Variants in SGCZ observed in about 807,000 individuals in gnomAD.
SGCZ encodes the protein sarcoglycan zeta.
Under a neutral mutation model 41.3 loss-of-function variants are expected in SGCZ, and 40 were observed. The ratio of observed to expected loss-of-function variants is 0.97; its 90% CI spans 0.75 to 1.26. SGCZ has a LOEUF of 1.26. Among genes scored for constraint, SGCZ ranks in the 50% most tolerant of loss-of-function variants. The pLI is 0.00. For synonymous variants in SGCZ, 206 were observed against 137.5 expected (o/e 1.50, Z -3.49); for missense variants, 552 against 369.8 (o/e 1.49, Z -4.04).
At chr8:14,698,785 T>A (rs1055351226) in intron 1 of SGCZ, among the ~76,000 whole-genome samples, 2 of 151,900 alleles carry the variant, frequency 1.3e-5, no homozygotes, top group Non-Finnish European at 2.9e-5. Flanking sequence ...GATCTTGTAT[T>A]TGAAGAAAAT....
intron 1 of SGCZ, among the ~76,000 whole-genome samples, chr8:14,921,356 G>C (rs1352734281): frequency 6.6e-6 from 1 of 152,110 alleles, no homozygotes; most frequent in African/African-American, 2.4e-5. Context: ...TCAAATATCA[G>C]TTCCTCACAA....
chr8:14,785,525 G>T (rs1800741683), intron 1 of SGCZ, among the ~76,000 whole-genome samples: 1 of 152,122 alleles, frequency 6.6e-6, no homozygotes, highest in Non-Finnish European at 1.5e-5. Flanking sequence ...AGTTGCTCTT[G>T]AAACTTCCCT....
chr8:14,399,203 G>A (rs907963903), intron 2 of SGCZ, among the ~76,000 whole-genome samples: 1 of 152,084 alleles, frequency 6.6e-6, no homozygotes, highest in Non-Finnish European at 1.5e-5. Context: ...TTCCTGTTAA[G>A]TGTCAGGGTT....
intron 3 of SGCZ, among the ~76,000 whole-genome samples, chr8:14,239,750 A>C (rs1005617213): frequency 4.6e-5 from 7 of 150,742 alleles, no homozygotes; most frequent in Non-Finnish European, 8.9e-5. Flanking sequence ...AAAATACAAA[A>C]AATTAGCCGG....
chr8:14,921,691 A>G (rs757931852), intron 1 of SGCZ, among the ~76,000 whole-genome samples: 21 of 152,164 alleles, frequency 1.4e-4, no homozygotes, highest in Non-Finnish European at 2.9e-4. Flanking sequence ...CATTTTACAG[A>G]TGTAAAGTTA....
At chr8:14,932,856 G>C (rs983618048) in intron 1 of SGCZ, among the ~76,000 whole-genome samples, 1 of 152,036 alleles carries the variant, frequency 6.6e-6, no homozygotes, top group Admixed American at 6.5e-5. Flanking sequence ...AAGTCCAAAA[G>C]TGTGATGTGA....
chr8:15,054,680 C>A (rs1037539096), intron 1 of SGCZ, among the ~76,000 whole-genome samples: 1 of 151,926 alleles, frequency 6.6e-6, no homozygotes, highest in Non-Finnish European at 1.5e-5. Flanking sequence ...TGTAGCCGGG[C>A]GCAGTGGCTC....
intron 1 of SGCZ, among the ~76,000 whole-genome samples, chr8:15,236,440 G>T (rs184505449): frequency 2.4e-3 from 353 of 146,144 alleles, no homozygotes; most frequent in African/African-American, 8.9e-3. Flanking sequence ...TCCAGCGGGT[G>T]GGGGGGTGCC....
At chr8:14,856,101 A>G (rs982673337) in intron 1 of SGCZ, among the ~76,000 whole-genome samples, 6 of 152,226 alleles carry the variant, frequency 3.9e-5, no homozygotes, top group African/African-American at 1.4e-4. Flanking sequence ...TATAATATTT[A>G]GGTCGAGGAT....
intron 1 of SGCZ, among the ~76,000 whole-genome samples, chr8:14,976,083 C>T (rs1203658034): frequency 1.3e-5 from 2 of 150,392 alleles, no homozygotes; most frequent in African/African-American, 2.4e-5. Flanking sequence ...AGTGCAGTGG[C>T]ACGATCTTCA....
chr8:14,525,177 TAGA>T lies in SGCZ; in HGVS notation c.234+29552_234+29554del, dbSNP rs769772153. Among the ~76,000 whole-genome samples the T allele has an allele frequency of 4.2e-3, 610 of 143,532 alleles. 3 individuals are homozygous for T. Among genetic ancestry groups the T allele is most frequent in the Admixed American group, 0.013 (188 of 13,994 alleles). 94.2% of individuals were successfully genotyped at this position (143,532 alleles called of 152,430 possible). On this transcript the variant is annotated intron_variant, in intron 2 of 7. Coordinates refer to ENST00000382080, the MANE Select transcript of SGCZ (RefSeq NM_139167.4). ...ATAGATAGATAGATAGATAGATAGA[TAGA>T]TAGATAGATAGATAGACAGACAGAC...
chr8:14,948,451 C>A (rs1800525147), intron 1 of SGCZ, among the ~76,000 whole-genome samples: 2 of 151,032 alleles, frequency 1.3e-5, no homozygotes, highest in African/African-American at 4.8e-5. Context: ...ATTGTCCTCA[C>A]ACTCATCTGT....
intron 1 of SGCZ, among the ~76,000 whole-genome samples, chr8:15,094,390 C>T (rs2131068420): frequency 6.6e-6 from 1 of 152,266 alleles, no homozygotes; most frequent in East Asian, 1.9e-4. Flanking sequence ...CTGCCTTGGC[C>T]TCCCAAAGTG....
chr8:14,845,048 G>A (rs1803052313), intron 1 of SGCZ, among the ~76,000 whole-genome samples: 1 of 152,218 alleles, frequency 6.6e-6, no homozygotes, highest in Non-Finnish European at 1.5e-5. Context: ...CTGCATAGAG[G>A]GTGAATTCTG....
At chr8:14,510,363 A>C (rs1052545727) in intron 2 of SGCZ, among the ~76,000 whole-genome samples, 2 of 152,096 alleles carry the variant, frequency 1.3e-5, no homozygotes, top group Non-Finnish European at 2.9e-5. Context: ...ATTAAATTAA[A>C]GTTAAAGTTA....
At chr8:14,757,004 A>T (rs1396594192) in intron 1 of SGCZ, among the ~76,000 whole-genome samples, 1 of 151,984 alleles carries the variant, frequency 6.6e-6, no homozygotes, top group African/African-American at 2.4e-5. Context: ...TCACGTCTGA[A>T]TTTTTCCTCT....
Position 14,188,059 on chromosome 8 carries a change from A to G in SGCZ, c.425-23357T>C, listed in dbSNP as rs1035904873. Among the ~76,000 whole-genome samples the G allele has an allele frequency of 3.3e-5, 5 of 152,204 alleles. No individual in the cohort carries two copies. In the East Asian group the frequency reaches 9.6e-4, roughly 29 times the overall value. On this transcript the variant is annotated intron_variant, in intron 4 of 7. Coordinates refer to ENST00000382080, the MANE Select transcript of SGCZ (RefSeq NM_139167.4). ...ATATTCAAAGTGTTCAGATTTAAAAAAAAAGTCAACCAAGAGTTCTATAGG... is the reference window on the plus strand; with the variant it reads ...ATATTCAAAGTGTTCAGATTTAAAAGAAAAGTCAACCAAGAGTTCTATAGG...
At chr8:14,235,611 T>C (rs573693292) in intron 4 of SGCZ, among the ~76,000 whole-genome samples, 2 of 152,324 alleles carry the variant, frequency 1.3e-5, no homozygotes, top group East Asian at 3.9e-4. Flanking sequence ...AATCAAATGA[T>C]TGCTTTGCTC....
chr8:14,618,583 T>C (rs1030158994), intron 1 of SGCZ, among the ~76,000 whole-genome samples: 2 of 152,164 alleles, frequency 1.3e-5, no homozygotes, highest in African/African-American at 4.8e-5. Context: ...TATGCAGTGT[T>C]TTGTACTCAT....
Sources: gnomAD v4.1 joint callset for allele counts (sites outside exome capture counted in the v4.1 genomes callset) on GRCh38, gnomAD v4.1.1 for gene constraint, MANE v1.5 for transcripts, NCBI Gene and HGNC (gene_info 2026-07-23, HGNC 2026-07-21) for gene names.